CHODL: variants seen among roughly 807,000 people sequenced by gnomAD.
The protein encoded by CHODL is transmembrane protein MT75.
In CHODL, 29 loss-of-function variants were observed where a neutral mutation model predicts 34.5. The ratio of observed to expected loss-of-function variants is 0.84; its 90% CI spans 0.63 to 1.15. CHODL has a LOEUF of 1.15. Ranked by LOEUF, CHODL falls within the 50% of genes most tolerant of loss-of-function variation. CHODL has a pLI of 0.00. For synonymous variants in CHODL, 125 were observed against 116.1 expected (o/e 1.08, Z -0.49); for missense variants, 332 against 332.5 (o/e 1.00, Z 0.01).
At chr21:17,918,803 ACGAG>A (rs1426814581) in intron 1 of CHODL, among the ~76,000 whole-genome samples, 1 of 152,208 alleles carries the variant, frequency 6.6e-6, no homozygotes, top group Admixed American at 6.5e-5. Context: ...ACTTCTGCCT[ACGAG>A]CCTGTAAAAT....
intron 2 of CHODL, among the ~76,000 whole-genome samples, chr21:18,099,113 G>C (rs1371654968): frequency 1.3e-5 from 2 of 151,848 alleles, no homozygotes; most frequent in Non-Finnish European, 2.9e-5. Flanking sequence ...TAGGGGTTGG[G>C]GTTGGTTAGT....
At chr21:18,081,977 A>G (rs1271417579) in intron 2 of CHODL, among the ~76,000 whole-genome samples, 1 of 152,176 alleles carries the variant, frequency 6.6e-6, no homozygotes, top group Non-Finnish European at 1.5e-5. Context: ...CATATGTTTA[A>G]CCATCCGTAC....
At chr21:18,141,168 G>T (rs2072797271) in intron 2 of CHODL, among the ~76,000 whole-genome samples, 1 of 152,076 alleles carries the variant, frequency 6.6e-6, no homozygotes, top group African/African-American at 2.4e-5. Flanking sequence ...CAGAAAGGTG[G>T]ACTTGGAGTA....
intron 2 of CHODL, among the ~76,000 whole-genome samples, chr21:18,100,187 A>T (rs78032585): frequency 0.018 from 2,727 of 152,204 alleles, 73 homozygotes; most frequent in African/African-American, 0.061. Context: ...GGTTGTTTTT[A>T]AAAAAATATC....
At chr21:18,111,479 G>A (rs911175563) in intron 2 of CHODL, among the ~76,000 whole-genome samples, 3 of 152,130 alleles carry the variant, frequency 2.0e-5, no homozygotes, top group Non-Finnish European at 2.9e-5. Flanking sequence ...TTTCCTTAGC[G>A]AAGAGCTAAC....
chr21:17,976,778 A>G (rs1279249514), intron 1 of CHODL, among the ~76,000 whole-genome samples: 3 of 152,092 alleles, frequency 2.0e-5, no homozygotes, highest in Non-Finnish European at 4.4e-5. Context: ...TTCAAATTTT[A>G]TTTTTGTTAT....
At chr21:17,997,920 C>T (rs2063867292) in intron 1 of CHODL, among the ~76,000 whole-genome samples, 1 of 152,110 alleles carries the variant, frequency 6.6e-6, no homozygotes, top group Admixed American at 6.5e-5. Context: ...ATCTCATGTC[C>T]TCACATTTCA....
At chr21:18,095,954 C>A (rs1257585546) in intron 2 of CHODL, among the ~76,000 whole-genome samples, 1 of 152,082 alleles carries the variant, frequency 6.6e-6, no homozygotes, top group Non-Finnish European at 1.5e-5. Flanking sequence ...AGTTTAATAC[C>A]CTTTCATGAT....
In CHODL at chr21:18,223,828, AAGGCAG is replaced by A. The variant is rs1278480357; in HGVS notation, c.-44-32680_-44-32675del. ...TCGAACCAACGTTGACTAATACAAG[AAGGCAG>A]GGAATGATCTCCTCCAATAGGAAAG... On this transcript the variant is annotated intron_variant, in intron 2 of 6. Transcript: ENST00000400127. Among the ~76,000 whole-genome samples, 105 of 152,322 alleles carry A rather than the reference AAGGCAG, an allele frequency of 6.9e-4. No individual in the cohort carries two copies. In the Middle Eastern group the frequency reaches 0.024, roughly 35 times the overall value.
chr21:17,967,001 C>T (rs541260266), intron 1 of CHODL, among the ~76,000 whole-genome samples: 1 of 151,940 alleles, frequency 6.6e-6, no homozygotes, highest in Admixed American at 6.6e-5. Context: ...TCTTCTGCCT[C>T]AGCCTCCCAA....
intron 2 of CHODL, among the ~76,000 whole-genome samples, chr21:18,083,111 G>A (rs1330902636): frequency 6.6e-6 from 1 of 152,196 alleles, no homozygotes; most frequent in East Asian, 1.9e-4. Flanking sequence ...TTCATGGGCT[G>A]GGCCCAGGGC....
chr21:18,143,426 CAG>C (rs922793759), intron 2 of CHODL, among the ~76,000 whole-genome samples: 6 of 152,024 alleles, frequency 3.9e-5, no homozygotes, highest in African/African-American at 7.2e-5. Flanking sequence ...GCTTTTTATA[CAG>C]AGAGATTAAT....
intron 2 of CHODL, among the ~76,000 whole-genome samples, chr21:18,110,750 A>G (rs73894750): frequency 0.05 from 7,618 of 152,314 alleles, 356 homozygotes; most frequent in African/African-American, 0.12. Flanking sequence ...AGTATAAATC[A>G]CAAGTCACAA....
At chr21:18,174,152 T>TATATAA (rs2073273586) in intron 2 of CHODL, among the ~76,000 whole-genome samples, 2 of 125,840 alleles carry the variant, frequency 1.6e-5, no homozygotes, top group African/African-American at 6.0e-5. Context: ...TATATATATA[T>TATATAA]ATATATATAA....
intron 2 of CHODL, among the ~76,000 whole-genome samples, chr21:18,031,369 T>C (rs926992195): frequency 2.6e-5 from 4 of 152,082 alleles, no homozygotes; most frequent in Non-Finnish European, 5.9e-5. Context: ...AACCTATATT[T>C]AACAGTGGCC....
intron 2 of CHODL, among the ~76,000 whole-genome samples, chr21:18,104,615 G>T (rs1302755988): frequency 6.6e-6 from 1 of 152,084 alleles, no homozygotes; most frequent in Non-Finnish European, 1.5e-5. Context: ...GCCAATATAG[G>T]ACTGGACTAC....
Position 18,128,296 on chromosome 21 carries a change from C to CAAAAA in CHODL, c.-45+100366_-45+100370dup, listed in dbSNP as rs71189585. Reference sequence around the variant, plus strand: ...AGCCTGGGTGACAGAGCAAGAGTCTCAAAAAAAAAAAAAAAAAAAAAAAAA... The same window carrying CAAAAA: ...AGCCTGGGTGACAGAGCAAGAGTCTCAAAAAAAAAAAAAAAAAAAAAAAAAAAAAA... On this transcript the variant is annotated intron_variant, in intron 2 of 6. Coordinates refer to the CHODL transcript ENST00000400127. Among the ~76,000 whole-genome samples, 4 of 28,058 alleles carry CAAAAA rather than the reference C, an allele frequency of 1.4e-4. 1 individual carries two copies. Among genetic ancestry groups the CAAAAA allele is most frequent in the Non-Finnish European group, 2.5e-4 (4 of 16,164 alleles). 18.4% of individuals were successfully genotyped at this position (28,058 alleles called of 152,430 possible). A position where few individuals can be genotyped will look rare whatever the true frequency, so the allele number is the denominator to read the frequency against.
At chr21:18,206,888 AT>A (rs1035088439) in intron 2 of CHODL, among the ~76,000 whole-genome samples, 14 of 138,714 alleles carry the variant, frequency 1.0e-4, no homozygotes, top group Middle Eastern at 7.5e-3. Flanking sequence ...TATTATTATT[AT>A]TATTATTTTA....
chr21:18,058,542 G>A (rs768118815), intron 2 of CHODL, among the ~76,000 whole-genome samples: 2 of 152,134 alleles, frequency 1.3e-5, no homozygotes, highest in African/African-American at 2.4e-5. Flanking sequence ...ATGGCAACAC[G>A]GATGAGCTTG....
Sources: gnomAD v4.1 joint callset for allele counts (sites outside exome capture counted in the v4.1 genomes callset) on GRCh38, gnomAD v4.1.1 for gene constraint, MANE v1.5 for transcripts, NCBI Gene and HGNC (gene_info 2026-07-23, HGNC 2026-07-21) for gene names.